RNF138: variants seen among roughly 807,000 people sequenced by gnomAD.
RNF138 encodes E3 ubiquitin-protein ligase RNF138.
A neutral mutation model predicts 31.0 loss-of-function variants in RNF138; 12 were observed. That is an observed-to-expected ratio of 0.39 (90% CI 0.25 to 0.63). RNF138 has a LOEUF of 0.63. Ranked by LOEUF, RNF138 falls within the 20% of genes least tolerant of loss-of-function variation. The pLI, the probability that RNF138 is intolerant of heterozygous loss-of-function variation, is 0.52. For synonymous variants in RNF138, 105 were observed against 99.5 expected (o/e 1.06, Z -0.33); for missense variants, 192 against 300.1 (o/e 0.64, Z 2.66).
chr18:32,109,024 G>A (rs1399564134), intron 2 of RNF138, among the ~76,000 whole-genome samples: 2 of 152,044 alleles, frequency 1.3e-5, no homozygotes, highest in Admixed American at 6.6e-5. Flanking sequence ...GCGCTCTAAT[G>A]GATATTGCCA....
chr18:32,098,228 ACTC>A (rs1490592247), intron 2 of RNF138, among the ~76,000 whole-genome samples: 1 of 151,316 alleles, frequency 6.6e-6, no homozygotes, highest in Non-Finnish European at 1.5e-5. Context: ...CTGGTTTTGA[ACTC>A]CTGACCTCAA....
intron 2 of RNF138, among the ~76,000 whole-genome samples, chr18:32,110,151 AATTTTTTTTATTTTTAATTTTT>A: frequency 6.6e-6 from 1 of 152,004 alleles, no homozygotes; most frequent in South Asian, 2.1e-4. Context: ...ATACCCAGCT[AATTTTTTTTATTTTTAATTTTT>A]GTAGAGACAG....
At chr18:32,113,697 C>A in intron 3 of RNF138, 48 bp from the exon 4 acceptor site, 2 of 842,294 alleles carry the variant, frequency 2.4e-6, no homozygotes, top group Non-Finnish European at 3.6e-6. Flanking sequence ...TATTTCAAAT[C>A]TTACGAGTTC....
intron 2 of RNF138, among the ~76,000 whole-genome samples, chr18:32,103,342 C>G (rs973278163): frequency 6.6e-6 from 1 of 151,870 alleles, no homozygotes; most frequent in Non-Finnish European, 1.5e-5. Flanking sequence ...GTGCACACCA[C>G]CATACCTCAC....
At chr18:32,121,171 G>C (rs1188581478) in intron 4 of RNF138, among the ~76,000 whole-genome samples, 1 of 150,876 alleles carries the variant, frequency 6.6e-6, no homozygotes, top group Non-Finnish European at 1.5e-5. Context: ...GATCCAAATG[G>C]AAGATGTATG....
intron 2 of RNF138, among the ~76,000 whole-genome samples, chr18:32,101,214 CTTTTT>C (rs781488612): frequency 7.3e-6 from 1 of 137,738 alleles, no homozygotes. Flanking sequence ...TTATAGGTTT[CTTTTT>C]TTTTTTTTTT....
chr18:32,110,712 A>AT (rs1202597982), intron 2 of RNF138, among the ~76,000 whole-genome samples: 1 of 152,170 alleles, frequency 6.6e-6, no homozygotes, highest in African/African-American at 2.4e-5. Context: ...CAAATAAGGT[A>AT]TTTGGTGGGG....
chr18:32,115,776 C>T (rs1032847459), intron 4 of RNF138, among the ~76,000 whole-genome samples: 2 of 152,020 alleles, frequency 1.3e-5, no homozygotes, highest in African/African-American at 2.4e-5. Flanking sequence ...CACGCACGCA[C>T]GCACACACAC....
rs1445354783 is a variant in RNF138 at position 32,107,136 on chromosome 18, T to TC, written c.111-4618_111-4617insC. 6.1e-5 allele frequency among the ~76,000 whole-genome samples: 9 copies of TC among 146,584 alleles called. No homozygotes were observed. The East Asian group carries it at 1.8e-3, about 29-fold the overall frequency. On this transcript the variant is annotated intron_variant, in intron 2 of 7. Coordinates refer to ENST00000261593, the MANE Select transcript of RNF138 (RefSeq NM_016271.5). ...TTTTCCTTTTTTTTTTTTTTTTTTT[T>TC]TGGAGACGGAATCTCGCTCTGTCAC...
At chr18:32,117,194 C>T (rs141363245) in intron 4 of RNF138, among the ~76,000 whole-genome samples, 8 of 152,082 alleles carry the variant, frequency 5.3e-5, no homozygotes, top group East Asian at 3.9e-4. Context: ...GAACCACCCG[C>T]GCCCAGCCAG....
intron 7 of RNF138, among the ~76,000 whole-genome samples, chr18:32,128,626 G>GATGA (rs1381929363): frequency 6.6e-6 from 1 of 152,122 alleles, no homozygotes; most frequent in African/African-American, 2.4e-5. Flanking sequence ...ATTTTCTAGA[G>GATGA]ATGACACATT....
Position 32,092,748 on chromosome 18 carries a change from G to C in RNF138, c.-29G>C, listed in dbSNP as rs1258028907. On this transcript the variant is annotated 5_prime_UTR_variant, in exon 2 of 8. Transcript: ENST00000261593. ...CGTCACCTCGGCCGCTGCCGCTGTCGCCATCGCCTTGTTTCCCCATCCCCC... is the reference window on the plus strand; with the variant it reads ...CGTCACCTCGGCCGCTGCCGCTGTCCCCATCGCCTTGTTTCCCCATCCCCC... 4 of 1,446,202 alleles carry C rather than the reference G, an allele frequency of 2.8e-6. No individual in the cohort carries two copies. Among genetic ancestry groups the C allele is most frequent in the Non-Finnish European group, 2.8e-6 (3 of 1,060,006 alleles). The allele number at this position is 1,446,202 out of a possible 1,614,324, so 89.6% of individuals were successfully genotyped here.
intron 4 of RNF138, among the ~76,000 whole-genome samples, chr18:32,115,298 T>G (rs1376436078): frequency 3.3e-5 from 5 of 152,198 alleles, no homozygotes; most frequent in Admixed American, 1.3e-4. Context: ...AATAGCAATA[T>G]TCCTCATCTG....
At chr18:32,110,992 G>T (rs1377835881) in intron 2 of RNF138, among the ~76,000 whole-genome samples, 2 of 152,196 alleles carry the variant, frequency 1.3e-5, no homozygotes, top group Non-Finnish European at 2.9e-5. Flanking sequence ...GTGGTAGCCA[G>T]AATGGTCTTG....
At chr18:32,127,015 G>C (rs897292376) in intron 7 of RNF138, among the ~76,000 whole-genome samples, 3 of 152,068 alleles carry the variant, frequency 2.0e-5, no homozygotes, top group South Asian at 4.1e-4. Flanking sequence ...ACTAGAGAGA[G>C]AATTAATAAG....
Position 32,129,442 on chromosome 18 carries a change from G to T in RNF138, c.*255G>T. Reference sequence around the variant, plus strand: ...AATGTAACGGTGAAAGAGAATCCCTGTTGTACTTTATCTTTTTGTAATATT... The same window carrying T: ...AATGTAACGGTGAAAGAGAATCCCTTTTGTACTTTATCTTTTTGTAATATT... On this transcript the variant is annotated 3_prime_UTR_variant, in exon 8 of 8. Transcript: ENST00000261593. 2.9e-6 allele frequency: 1 copy of T among 347,074 alleles called. No homozygotes were observed. Among genetic ancestry groups the T allele is most frequent in the Non-Finnish European group, 5.2e-6 (1 of 191,034 alleles). 21.5% of individuals were successfully genotyped at this position (347,074 alleles called of 1,614,324 possible).
In RNF138 at chr18:32,124,740, T is replaced by G. The variant is rs761940423; in HGVS notation, c.456T>G (p.Ser152=). 6.6e-7 allele frequency: 1 copy of G among 1,525,400 alleles called. No homozygotes were observed. The allele number at this position is 1,525,400 out of a possible 1,614,324, so 94.5% of individuals were successfully genotyped here. The change falls in exon 6 of 8, where the codon TCT becomes TCG. Residue 152 remains serine (S), a synonymous_variant. Coordinates refer to ENST00000261593, the MANE Select transcript of RNF138 (RefSeq NM_016271.5). ...ACTTAAAATTGTTTTATAGTTCTTC[T>G]GGTCATCCTACTTTTAAGTGTCCCC... ...TETYQENTSS[S]GHPTFKCPLC...
intron 2 of RNF138, among the ~76,000 whole-genome samples, chr18:32,102,581 A>G (rs182996841): frequency 4.0e-4 from 61 of 151,746 alleles, no homozygotes; most frequent in African/African-American, 1.5e-3. Context: ...AAGAGTTTGT[A>G]TTGTACAGTT....
chr18:32,100,536 C>T (rs939052814), intron 2 of RNF138, among the ~76,000 whole-genome samples: 3 of 129,804 alleles, frequency 2.3e-5, no homozygotes, highest in Non-Finnish European at 3.1e-5. Context: ...AGTGCAATGG[C>T]GCGATCTCGG....
Sources: gnomAD v4.1 joint callset for allele counts (sites outside exome capture counted in the v4.1 genomes callset) on GRCh38, gnomAD v4.1.1 for gene constraint, MANE v1.5 for transcripts, NCBI Gene and HGNC (gene_info 2026-07-23, HGNC 2026-07-21) for gene names.